Variants in EDAR observed in about 807,000 individuals in gnomAD.
The protein encoded by EDAR is tumor necrosis factor receptor superfamily member EDAR.
In EDAR, 38 loss-of-function variants were observed where a neutral mutation model predicts 51.3. That is an observed-to-expected ratio of 0.74 (90% CI 0.57 to 0.97). The LOEUF is 0.97. Among genes scored for constraint, EDAR ranks in the 50% least tolerant of loss-of-function variants. The pLI is 0.00. For synonymous variants in EDAR, 227 were observed against 242.1 expected, an observed-to-expected ratio of 0.94 and a Z score of 0.58; for missense variants, 528 against 595.0, an observed-to-expected ratio of 0.89 and a Z score of 1.17.
chr2:108,930,371 G>A (rs368920651), intron 2 of EDAR, 129 bp from the exon 3 acceptor site: 1 of 967,974 alleles, frequency 1.0e-6, no homozygotes, highest in Non-Finnish European at 1.6e-6. Context: ...CTCGGTCTGG[G>A]AAGGTGCCCG....
At chr2:108,920,754 C>G (rs1384828283) in intron 5 of EDAR, among the ~76,000 whole-genome samples, 2 of 152,202 alleles carry the variant, frequency 1.3e-5, no homozygotes, top group Non-Finnish European at 2.9e-5. Context: ...TTCATTTCTC[C>G]TCAGGGTTAT....
intron 1 of EDAR, among the ~76,000 whole-genome samples, chr2:108,934,649 G>A (rs1697432260): frequency 1.3e-5 from 2 of 152,260 alleles, no homozygotes; most frequent in South Asian, 2.1e-4. Context: ...TCATAATATG[G>A]CAGAGGGCAT....
chr2:108,920,075 A>G (rs927220256), intron 5 of EDAR, among the ~76,000 whole-genome samples: 1 of 152,216 alleles, frequency 6.6e-6, no homozygotes, highest in Non-Finnish European at 1.5e-5. Flanking sequence ...CTGAGTCCTC[A>G]TCTGAATCTC....
At chr2:108,945,751 A>C (rs998616629) in intron 1 of EDAR, among the ~76,000 whole-genome samples, 7 of 152,240 alleles carry the variant, frequency 4.6e-5, no homozygotes, top group Admixed American at 3.3e-4. Context: ...TTTCTGACAC[A>C]TGCTACAGTA....
At position 108,930,913 on chromosome 2, in the gene EDAR, A is replaced by G. The variant is rs759445761; in HGVS notation, c.51+51T>C. On this transcript the variant is annotated intron_variant, in intron 2 of 11. Coordinates refer to ENST00000258443, the MANE Select transcript of EDAR (RefSeq NM_022336.4). ...GCTGAAGAGGCCAAGAAACAGTCCAACCATCATGAGGATGAGGGTGCTGTG... is the reference window on the plus strand; with the variant it reads ...GCTGAAGAGGCCAAGAAACAGTCCAGCCATCATGAGGATGAGGGTGCTGTG... The G allele has an allele frequency of 3.1e-6, 5 of 1,597,908 alleles. No individual in the cohort carries two copies. In the South Asian group the frequency reaches 3.3e-5, roughly 11 times the overall value.
intron 1 of EDAR, among the ~76,000 whole-genome samples, chr2:108,961,548 T>C (rs112295782): frequency 3.3e-5 from 5 of 152,222 alleles, no homozygotes; most frequent in Admixed American, 1.3e-4. Flanking sequence ...ATGCTGAAGG[T>C]TGAACTGCTC....
At chr2:108,940,897 T>C (rs932915892) in intron 1 of EDAR, among the ~76,000 whole-genome samples, 3 of 152,214 alleles carry the variant, frequency 2.0e-5, no homozygotes, top group Admixed American at 1.3e-4. Flanking sequence ...TGTAATTAAC[T>C]TGCAATAAGC....
intron 1 of EDAR, among the ~76,000 whole-genome samples, chr2:108,958,817 C>CTTGGAAGTGTCAGCCAGAG (rs57654266): frequency 0.26 from 39,939 of 152,000 alleles, 9,791 homozygotes; most frequent in East Asian, 0.94. Context: ...GTTACAGCCA[C>CTTGGAAGTGTCAGCCAGAG]TTGGAAGTGT....
intron 5 of EDAR, among the ~76,000 whole-genome samples, chr2:108,914,370 T>C (rs1696989038): frequency 6.6e-6 from 1 of 152,206 alleles, no homozygotes; most frequent in South Asian, 2.1e-4. Context: ...GGACTTTTGC[T>C]GTATTTCTGC....
intron 9 of EDAR, among the ~76,000 whole-genome samples, chr2:108,910,157 T>C (rs984652238): frequency 1.3e-5 from 2 of 152,232 alleles, no homozygotes; most frequent in African/African-American, 4.8e-5. Context: ...CTTTATGTTC[T>C]GCCCTCCCAG....
At position 108,906,582 on chromosome 2, in the gene EDAR, G is replaced by T. The variant is rs260638; in HGVS notation, c.964-214C>A. On this transcript the variant is annotated intron_variant, in intron 10 of 11. Transcript: ENST00000258443. ...CATTTTTGGGGTCTACCACGGGTGC[G>T]TCTTAGGCTCAGCTGGGTGGTCAGA... Among the ~76,000 whole-genome samples the T allele has an allele frequency of 0.8, 121,352 of 152,168 alleles. 49,008 individuals are homozygous for T. Among genetic ancestry groups the T allele is most frequent in the East Asian group, 0.92 (4,738 of 5,174 alleles).
In EDAR at chr2:108,895,318, T is replaced by G. The variant is rs1176005698; in HGVS notation, c.*1589A>C. The stretch of plus-strand genomic sequence containing the variant: ...AACTTGTAATTTTTACAACCTCGCT[T>G]TATAAGTCAGAGACTTTGTTTTAAT... On this transcript the variant is annotated 3_prime_UTR_variant, in exon 12 of 12. Transcript: ENST00000258443. 2 of 152,606 alleles carry G rather than the reference T, an allele frequency of 1.3e-5. No individual in the cohort carries two copies. Among genetic ancestry groups the G allele is most frequent in the East Asian group, 3.8e-4 (2 of 5,200 alleles). The allele number at this position is 152,606 out of a possible 1,614,324, so 9.5% of individuals were successfully genotyped here.
chr2:108,969,937 T>C (rs2104436283), intron 1 of EDAR, among the ~76,000 whole-genome samples: 1 of 152,334 alleles, frequency 6.6e-6, no homozygotes, highest in African/African-American at 2.4e-5. Flanking sequence ...CATAAGAACA[T>C]ACAACTCAGA....
intron 5 of EDAR, among the ~76,000 whole-genome samples, chr2:108,919,581 C>T (rs1197994283): frequency 6.6e-6 from 1 of 152,170 alleles, no homozygotes; most frequent in Non-Finnish European, 1.5e-5. Context: ...TGATCTTGAA[C>T]TCCCAACCTT....
rs775038210 is a variant in EDAR at position 108,929,254 on chromosome 2, G to A, written c.300C>T (p.Thr100=). Residue 100 remains threonine (T), a synonymous_variant, in exon 4 of 12, where the codon ACC becomes ACT. Transcript: ENST00000258443. ...HKDCEGFFRA[T]VLTPGDMEND... is the part of the protein sequence containing the mutation. Reference sequence around the variant, plus strand: ...TCTCCATGTCCCCTGGTGTCAGCACGGTGGCCCGGAAGAAGCCCTCACAGT... The same window carrying A: ...TCTCCATGTCCCCTGGTGTCAGCACAGTGGCCCGGAAGAAGCCCTCACAGT... 64 of 1,614,052 alleles carry A rather than the reference G, an allele frequency of 4.0e-5. No individual in the cohort carries two copies. The South Asian group carries it at 4.6e-4, about 12-fold the overall frequency.
chr2:108,923,982 G>A (rs372161615), intron 4 of EDAR, among the ~76,000 whole-genome samples: 1 of 152,378 alleles, frequency 6.6e-6, no homozygotes, highest in African/African-American at 2.4e-5. Context: ...GAGACAGACG[G>A]TTGTGCTGTC....
intron 1 of EDAR, among the ~76,000 whole-genome samples, chr2:108,974,679 G>A (rs558514565): frequency 8.5e-5 from 13 of 152,106 alleles, no homozygotes; most frequent in Non-Finnish European, 1.8e-4. Context: ...TCAGTGAGCC[G>A]AGATAGCGCC....
chr2:108,927,644 C>A (rs1006270816), intron 4 of EDAR, among the ~76,000 whole-genome samples: 24 of 152,072 alleles, frequency 1.6e-4, no homozygotes, highest in Non-Finnish European at 2.9e-4. Context: ...CCATGGGGAA[C>A]CCTTCTACTA....
At chr2:108,983,011 T>G (rs1391836920) in intron 1 of EDAR, among the ~76,000 whole-genome samples, 1 of 152,164 alleles carries the variant, frequency 6.6e-6, no homozygotes, top group Non-Finnish European at 1.5e-5. Context: ...TTATTGGAGA[T>G]TTTATTGCCC....
Sources: allele counts gnomAD v4.1 joint callset (sites outside exome capture counted in the v4.1 genomes callset), GRCh38; gene constraint gnomAD v4.1.1; transcripts MANE v1.5; gene names NCBI Gene and HGNC (gene_info 2026-07-23, HGNC 2026-07-21).